The following CETP variants were observed in gnomAD, a reference collection of about 807,000 sequenced individuals.
CETP encodes BPI fold containing family F.
Under a neutral mutation model 66.5 loss-of-function variants are expected in CETP, and 56 were observed. The ratio of observed to expected loss-of-function variants is 0.84; its 90% CI spans 0.68 to 1.05. The LOEUF is 1.05. Among genes scored for constraint, CETP ranks in the 50% least tolerant of loss-of-function variants. CETP has a pLI of 0.00. For missense variants in CETP, 612 were observed against 609.6 expected (o/e 1.00, Z -0.04); for synonymous variants, 251 against 245.7 (o/e 1.02, Z -0.20).
intron 12 of CETP, 80 bp from the exon 13 acceptor site, chr16:56,981,567 T>C: frequency 6.7e-7 from 1 of 1,485,894 alleles, no homozygotes; most frequent in South Asian, 1.1e-5. Flanking sequence ...CTGGCTGCTA[T>C]TCTTAGAGTT....
At position 56,973,441 on chromosome 16, in the gene CETP, C is replaced by T. The variant is rs5883; in HGVS notation, c.861C>T (p.Phe287=). The change falls in exon 9 of 16, where the codon TTC becomes TTT. Residue 287 remains phenylalanine, a synonymous_variant. Coordinates refer to ENST00000200676, the MANE Select transcript of CETP (RefSeq NM_000078.3). ...ACTTCTGGTTCTCTGAGCGAGTCTT[C>T]CACTCGCTGGCCAAGGTAGCTTTCC... The part of the protein sequence containing the change: ...MLYFWFSERV[F]HSLAKVAFQD... 0.054 allele frequency: 86,571 copies of T among 1,614,184 alleles called. 2,687 individuals carry two copies. Among genetic ancestry groups the T allele is most frequent in the African/African-American group, 0.11 (8,128 of 75,030 alleles).
chr16:56,969,780 A>T, intron 4 of CETP, 99 bp downstream of exon 4: 2 of 1,544,322 alleles, frequency 1.3e-6, no homozygotes, highest in Non-Finnish European at 1.8e-6. Context: ...TGGGGCCACC[A>T]AAGGAGGCCC....
At chr16:56,974,898 G>A (rs1461767761) in intron 9 of CETP, among the ~76,000 whole-genome samples, 5 of 152,326 alleles carry the variant, frequency 3.3e-5, no homozygotes. Context: ...GGGCACAGTG[G>A]GGAGCAGAAG....
intron 10 of CETP, among the ~76,000 whole-genome samples, chr16:56,977,832 G>A (rs1445297166): frequency 6.6e-6 from 1 of 152,190 alleles, no homozygotes; most frequent in Non-Finnish European, 1.5e-5. Context: ...AGAAGGCTAA[G>A]TGAAGGCATC....
At chr16:56,977,414 T>C (rs1165602021) in intron 10 of CETP, among the ~76,000 whole-genome samples, 1 of 152,128 alleles carries the variant, frequency 6.6e-6, no homozygotes, top group African/African-American at 2.4e-5. Flanking sequence ...ACAGGGCTCT[T>C]GTCCACACTG....
chr16:56,980,651 C>A (rs184189786), intron 11 of CETP, among the ~76,000 whole-genome samples: 1 of 152,122 alleles, frequency 6.6e-6, no homozygotes, highest in Non-Finnish European at 1.5e-5. Flanking sequence ...CGGCCGGGCA[C>A]GGTGGCTCAC....
intron 1 of CETP, 37 bp from the exon 2 acceptor site, chr16:56,962,973 G>A (rs1239793621): frequency 1.3e-6 from 2 of 1,573,420 alleles, no homozygotes; most frequent in South Asian, 1.1e-5. Context: ...GGCTTGGTGT[G>A]GGCCTGCAGC....
chr16:56,971,559 G>A (rs2056110573), intron 7 of CETP, among the ~76,000 whole-genome samples, 178 bp downstream of exon 7: 1 of 152,184 alleles, frequency 6.6e-6, no homozygotes, highest in Admixed American at 6.5e-5. Context: ...GCCCCTTTGG[G>A]CTGCAGCCTC....
intron 9 of CETP, 85 bp downstream of exon 9, chr16:56,973,595 A>G: frequency 1.3e-6 from 2 of 1,485,974 alleles, no homozygotes; most frequent in Middle Eastern, 2.2e-4. Context: ...GGAGGGAGGA[A>G]ACTCGGAAAC....
Position 56,969,682 on chromosome 16 carries a change from G to A in CETP, c.439+1G>A, listed in dbSNP as rs891649254. On this transcript the variant is annotated splice_donor_variant, in intron 4 of 15. Transcript: ENST00000200676. LOFTEE classifies it high-confidence loss of function. ...GACCTCCAGATCAACACACAGCTGA[G>A]TATGTGTCAAGCGTCCTCTGGGGAA... 7.4e-6 allele frequency: 12 copies of A among 1,613,800 alleles called. No individual in the cohort carries two copies. Among genetic ancestry groups the A allele is most frequent in the African/African-American group, 1.3e-5 (1 of 74,936 alleles).
At chr16:56,983,552 A>G (rs374688389) in intron 15 of CETP, 40 bp from the exon 16 acceptor site, 64 of 1,611,022 alleles carry the variant, frequency 4.0e-5, no homozygotes, top group Non-Finnish European at 4.7e-5. Flanking sequence ...CCTGGGAGTC[A>G]GCCCAGCTCG....
intron 1 of CETP, among the ~76,000 whole-genome samples, 184 bp from the exon 2 acceptor site, chr16:56,962,822 GCTCT>G (rs1206045996): frequency 6.6e-6 from 1 of 152,146 alleles, no homozygotes; most frequent in African/African-American, 2.4e-5. Context: ...CAGGGTCAGA[GCTCT>G]CTGTGTCCCC....
Position 56,966,207 on chromosome 16 carries a change from G to A in CETP, c.233+3083G>A, listed in dbSNP as rs1026977924. ...CAGCAGAACCAGATTCCTTCTGGGG[G>A]CTATAGGGGAGAATTAATTCCCTCG... On this transcript the variant is annotated intron_variant, in intron 2 of 15. Coordinates refer to ENST00000200676, the MANE Select transcript of CETP (RefSeq NM_000078.3). Among the ~76,000 whole-genome samples, 4 of 152,222 alleles carry A rather than the reference G, an allele frequency of 2.6e-5. No individual in the cohort carries two copies. The East Asian group carries it at 7.7e-4, about 29-fold the overall frequency.
chr16:56,973,630 C>T, intron 9 of CETP, 120 bp downstream of exon 9: 1 of 1,104,994 alleles, frequency 9.0e-7, no homozygotes, highest in South Asian at 1.4e-5. Flanking sequence ...AAGAACTAAG[C>T]TGGAGCAATA....
At chr16:56,978,285 G>A in intron 11 of CETP, 30 bp downstream of exon 11, 10 of 1,613,892 alleles carry the variant, frequency 6.2e-6, no homozygotes, top group Non-Finnish European at 8.5e-6. Flanking sequence ...AGGTGGTGGT[G>A]GGGGAACCTG....
At chr16:56,978,431 G>A (rs1285279146) in intron 11 of CETP, among the ~76,000 whole-genome samples, 176 bp downstream of exon 11, 1 of 152,146 alleles carries the variant, frequency 6.6e-6, no homozygotes, top group African/African-American at 2.4e-5. Context: ...CAAGTAACGA[G>A]GGGGTACACA....
At chr16:56,983,484 G>A (rs1030846514) in intron 15 of CETP, 73 bp downstream of exon 15, 8 of 1,593,602 alleles carry the variant, frequency 5.0e-6, no homozygotes, top group Non-Finnish European at 6.9e-6. Context: ...TGGGGTGACT[G>A]GGGGCTGTTG....
chr16:56,978,073 G>T lies in CETP; in HGVS notation c.982-18G>T. On this transcript the variant is annotated intron_variant, in intron 10 of 15. Coordinates refer to ENST00000200676, the MANE Select transcript of CETP (RefSeq NM_000078.3). ...TGATGGGCCCCTGTCCTGGCCATGG[G>T]ACCCCTGTCTTCCACAGGTTGTCGG... 1 of 1,613,488 alleles carries T rather than the reference G, an allele frequency of 6.2e-7. No homozygotes were observed. Among genetic ancestry groups the T allele is most frequent in the South Asian group, 1.1e-5 (1 of 91,048 alleles).
intron 10 of CETP, among the ~76,000 whole-genome samples, chr16:56,976,264 C>A (rs1226336913): frequency 1.3e-5 from 2 of 152,148 alleles, no homozygotes; most frequent in Non-Finnish European, 2.9e-5. Context: ...CCAGAACAAT[C>A]TTTTCAAGAA....
Sources: gnomAD v4.1 joint callset for allele counts (sites outside exome capture counted in the v4.1 genomes callset) on GRCh38, gnomAD v4.1.1 for gene constraint, MANE v1.5 for transcripts, NCBI Gene and HGNC (gene_info 2026-07-23, HGNC 2026-07-21) for gene names.